The following ARHGAP30 variants were observed in gnomAD, a reference collection of about 807,000 sequenced individuals.
ARHGAP30 encodes rho GTPase-activating protein 30.
A neutral mutation model predicts 72.0 loss-of-function variants in ARHGAP30; 23 were observed. That is an observed-to-expected ratio of 0.32 (90% CI 0.23 to 0.45). The LOEUF is 0.45. Ranked by LOEUF, ARHGAP30 falls within the 20% of genes least tolerant of loss-of-function variation. The pLI is 1.00. For missense variants in ARHGAP30, 1,319 were observed against 1,383.4 expected, an observed-to-expected ratio of 0.95 and a Z score of 0.74; for synonymous variants, 576 against 528.2, an observed-to-expected ratio of 1.09 and a Z score of -1.24.
chr1:161,059,095 C>G (rs1415133392), intron 2 of ARHGAP30, among the ~76,000 whole-genome samples: 1 of 151,804 alleles, frequency 6.6e-6, no homozygotes, highest in African/African-American at 2.4e-5. Context: ...GTGGCGCAAT[C>G]TTGGCTCACT....
intron 2 of ARHGAP30, among the ~76,000 whole-genome samples, chr1:161,056,762 G>A (rs1370212472): frequency 8.5e-5 from 13 of 152,218 alleles, no homozygotes; most frequent in African/African-American, 2.7e-4. Context: ...GGATCTATGC[G>A]TGAACAGGGA....
rs566657538 is a variant in ARHGAP30 at position 161,069,641 on chromosome 1, C to T, written c.-17G>A. 10 of 1,606,862 alleles carry T rather than the reference C, an allele frequency of 6.2e-6. No individual in the cohort carries two copies. The South Asian group carries it at 8.8e-5, about 14-fold the overall frequency. On this transcript the variant is annotated 5_prime_UTR_variant, in exon 1 of 12. Coordinates refer to ENST00000368013, the MANE Select transcript of ARHGAP30 (RefSeq NM_001025598.2). This position sits in a 1 kb window ranked among gnomAD's most constrained non-coding sequence, Gnocchi z 4.9. ...AGACTTCATGGCCAGAGCCCCAGGG[C>T]ACTGGCCCGGTCACCTCTATCCCCC...
intron 1 of ARHGAP30, among the ~76,000 whole-genome samples, chr1:161,063,871 C>T (rs1652497960): frequency 6.6e-6 from 1 of 152,218 alleles, no homozygotes; most frequent in Non-Finnish European, 1.5e-5. Flanking sequence ...TCCAGTCTCC[C>T]ATAGCACTCC....
intron 6 of ARHGAP30, 29 bp downstream of exon 6, chr1:161,053,229 G>A: frequency 1.9e-6 from 3 of 1,612,876 alleles, no homozygotes; most frequent in East Asian, 2.2e-5. Context: ...CCAACAGTGG[G>A]ATATGTGGAG....
intron 5 of ARHGAP30, 80 bp from the exon 6 acceptor site, chr1:161,053,465 T>A: frequency 2.1e-6 from 1 of 470,378 alleles, no homozygotes; most frequent in Non-Finnish European, 2.8e-6. Flanking sequence ...TACCTTATTC[T>A]CTCTCTCTCT....
At chr1:161,053,058 G>T (rs144468385) in intron 6 of ARHGAP30, 200 bp downstream of exon 6, 1 of 911,384 alleles carries the variant, frequency 1.1e-6, no homozygotes. Flanking sequence ...TGACTCAGAG[G>T]TCAAGCCATG....
At position 161,051,712 on chromosome 1, in the gene ARHGAP30, G is replaced by A; in HGVS notation, c.1022C>T (p.Pro341Leu). 3.1e-6 allele frequency: 5 copies of A among 1,603,598 alleles called. No homozygotes were observed. Among genetic ancestry groups the A allele is most frequent in the Non-Finnish European group, 4.3e-6 (5 of 1,175,344 alleles). Residue 341 changes from proline to leucine, a missense_variant, in exon 10 of 12, where the codon CCA (proline) becomes CTA (leucine). By Grantham distance (98) the Pro-to-Leu change is moderately conservative (BLOSUM62 -3). This residue lies in a region of ARHGAP30 where 1,097 missense variants were observed against 1,045.2 expected (regional missense o/e 1.05). Transcript: ENST00000368013. ...GCTGCTGGGCCCCACCAGCCCCTCT[G>A]GCTCTGTGGAGGAAAAAGAGGGCCA... ...LSAAAGASDE[P>L]EGLVGPSSPR...
chr1:161,050,285 G>T (rs1000994128), intron 10 of ARHGAP30, among the ~76,000 whole-genome samples: 6 of 145,376 alleles, frequency 4.1e-5, no homozygotes, highest in African/African-American at 1.5e-4. Context: ...TGCAATCACA[G>T]CACTTGGACC....
chr1:161,048,242 T>C lies in ARHGAP30; in HGVS notation c.2779A>G (p.Thr927Ala). The C allele has an allele frequency of 6.2e-7, 1 of 1,613,902 alleles. No individual in the cohort carries two copies. Among genetic ancestry groups the C allele is most frequent in the Non-Finnish European group, 8.5e-7 (1 of 1,179,960 alleles). ...LGGVGMRLAS[T>A]LVQVQQVRSV... ...CGGACCTGTTGGACCTGAACCAGAG[T>C]GGAAGCTAGACGCATGCCCACGCCA... Residue 927 changes from threonine to alanine, a missense_variant, in exon 12 of 12, where the codon ACT becomes GCT. This residue lies in a region of ARHGAP30 where 1,097 missense variants were observed against 1,045.2 expected (regional missense o/e 1.05). Transcript: ENST00000368013.
In ARHGAP30 at chr1:161,049,554, G is replaced by A; in HGVS notation, c.1556C>T (p.Ser519Leu). Residue 519 changes from serine to leucine, a missense_variant, in exon 11 of 12, where the codon TCA becomes TTA. This residue lies in a region of ARHGAP30 where 1,097 missense variants were observed against 1,045.2 expected (regional missense o/e 1.05). Transcript: ENST00000368013. The part of the protein sequence containing the change: ...SFSFLEDSSS[S>L]EPEWVGAEDG... ...CTCTGCCCCCACCCACTCAGGTTCT[G>A]AGCTGCTTGAGTCCTCTAGGAAGGA... The A allele has an allele frequency of 6.2e-7, 1 of 1,614,120 alleles. No individual in the cohort carries two copies. The highest frequency in any genetic ancestry group is 8.5e-7 in the Non-Finnish European group (1 of 1,180,008).
rs147306193 is a variant in ARHGAP30, at chr1:161,057,010, A to T, written c.201-478T>A. Among the ~76,000 whole-genome samples the T allele has an allele frequency of 7.7e-4, 117 of 152,346 alleles. 1 individual carries two copies. The highest frequency in any genetic ancestry group is 2.7e-3 in the African/African-American group (111 of 41,582). Reference sequence around the variant, plus strand: ...TACATTGAACATCAAAATTAAAAACATTTGTAGCCAAAAGTCACCATTAAA... The same window carrying T: ...TACATTGAACATCAAAATTAAAAACTTTTGTAGCCAAAAGTCACCATTAAA... On this transcript the variant is annotated intron_variant, in intron 2 of 11. Transcript: ENST00000368013.
chr1:161,059,560 C>T, intron 2 of ARHGAP30, 54 bp downstream of exon 2: 1 of 1,503,836 alleles, frequency 6.6e-7, no homozygotes, highest in Non-Finnish European at 9.1e-7. Context: ...TTACTGTGAC[C>T]TTCTGGCTCC....
chr1:161,052,041 AC>A (rs1557921075), intron 9 of ARHGAP30, among the ~76,000 whole-genome samples: 4,591 of 33,620 alleles, frequency 0.14, 1,331 homozygotes, highest in Middle Eastern at 0.17. Flanking sequence ...CACCACCACC[AC>A]CACCACCACC....
rs1650898509 is a variant in ARHGAP30, at chr1:161,047,119, C to G, written c.*596G>C. On this transcript the variant is annotated 3_prime_UTR_variant, in exon 12 of 12. Coordinates refer to ENST00000368013, the MANE Select transcript of ARHGAP30 (RefSeq NM_001025598.2). ...GAGCCCAGAGAGATCTGTACAGGAC[C>G]TCTCTTGCACATGGTGACTGGAGGC... The G allele has an allele frequency of 3.3e-6, 1 of 301,138 alleles. No homozygotes were observed. The highest frequency in any genetic ancestry group is 1.2e-4 in the East Asian group (1 of 8,156). 18.7% of individuals were successfully genotyped at this position (301,138 alleles called of 1,614,324 possible). A position where few individuals can be genotyped will look rare whatever the true frequency, so the allele number is the denominator to read the frequency against.
chr1:161,052,665 A>C lies in ARHGAP30; in HGVS notation c.797T>G (p.Met266Arg). Residue 266 changes from methionine to arginine, a missense_variant, in exon 7 of 12, where the codon ATG (methionine) becomes AGG (arginine). Met to Arg is a moderately conservative substitution (Grantham distance 91, BLOSUM62 -1). Coordinates refer to ENST00000368013, the MANE Select transcript of ARHGAP30 (RefSeq NM_001025598.2). ...CTCGATGATAGTATGGTAGGGCCGC[A>C]TCTGTGGGGGTCCATCGCCAGCCTG... ...ILQAGDGPPQMRPYHTIIEIA... is the reference protein window; with the variant it reads ...ILQAGDGPPQRRPYHTIIEIA... 6.2e-7 allele frequency: 1 copy of C among 1,613,898 alleles called. No homozygotes were observed. The highest frequency in any genetic ancestry group is 2.2e-5 in the East Asian group (1 of 44,878).
rs1651844452 is a variant in ARHGAP30 at position 161,055,931 on chromosome 1, AAAATAAATATAAAATAAAATAAAAT to A, written c.345+432_345+456del. Among the ~76,000 whole-genome samples, 5 of 24,776 alleles carry A rather than the reference AAAATAAATATAAAATAAAATAAAAT, an allele frequency of 2.0e-4. No individual in the cohort carries two copies. The South Asian group carries it at 2.7e-3, about 13-fold the overall frequency. The allele number at this position is 24,776 out of a possible 152,430, so 16.3% of individuals were successfully genotyped here. A position where few individuals can be genotyped will look rare whatever the true frequency, so the allele number is the denominator to read the frequency against. Reference sequence around the variant, plus strand: ...AAAATAAAATAAAATAAAATAAAATAAAATAAATATAAAATAAAATAAAATACCAAAGATGTTCAACGCATAATTA... The same window carrying A: ...AAAATAAAATAAAATAAAATAAAATAACCAAAGATGTTCAACGCATAATTA... On this transcript the variant is annotated intron_variant, in intron 3 of 11. Transcript: ENST00000368013.
At chr1:161,053,989 A>G (rs1364557957) in intron 5 of ARHGAP30, among the ~76,000 whole-genome samples, 1 of 152,114 alleles carries the variant, frequency 6.6e-6, no homozygotes, top group Non-Finnish European at 1.5e-5. Context: ...AATCCCTTGA[A>G]CCCAGGAAGC....
chr1:161,059,897 C>T (rs1228822345), intron 1 of ARHGAP30, among the ~76,000 whole-genome samples, 181 bp from the exon 2 acceptor site: 1 of 152,206 alleles, frequency 6.6e-6, no homozygotes, highest in Non-Finnish European at 1.5e-5. Context: ...TACAGTATCT[C>T]TGCTTAGTGG....
At position 161,053,380 on chromosome 1, in the gene ARHGAP30, T is replaced by G. The variant is rs1374918032; in HGVS notation, c.542A>C (p.Lys181Thr). ...ATTGAAGCCTGAGGCCTCTATGTCC[T>G]TAGACCTGTGGAGATGTGGAATTAT... ...IVWAPNLLRS[K>T]DIEASGFNGT... The change falls in exon 6 of 12, where the codon AAG becomes ACG. Residue 181 changes from lysine to threonine, a missense_variant. By Grantham distance (78) the Lys-to-Thr change is moderately conservative. Around this residue, in one of 2 missense-constraint regions of ARHGAP30, gnomAD observed 222 missense variants for 338.2 expected, o/e 0.66. Coordinates refer to ENST00000368013, the MANE Select transcript of ARHGAP30 (RefSeq NM_001025598.2). 1 of 1,612,672 alleles carries G rather than the reference T, an allele frequency of 6.2e-7. No individual in the cohort carries two copies. The highest frequency in any genetic ancestry group is 1.1e-5 in the South Asian group (1 of 91,052).
Sources: gnomAD v4.1 joint callset for allele counts (sites outside exome capture counted in the v4.1 genomes callset) on GRCh38, gnomAD v4.1.1 for gene constraint, gnomAD v4.1.1 regional missense constraint, Gnocchi (gnomAD v3.1) non-coding constraint, MANE v1.5 for transcripts, NCBI Gene and HGNC (gene_info 2026-07-23, HGNC 2026-07-21) for gene names.